Variants in FAT3 observed in about 807,000 individuals in gnomAD.
The protein encoded by FAT3 is protocadherin Fat 3.
FAT3 carries 95 observed loss-of-function variants against 310.2 expected under a neutral mutation model. The ratio of observed to expected loss-of-function variants is 0.31; its 90% CI spans 0.26 to 0.36. FAT3 has a LOEUF of 0.36. Ranked by LOEUF, FAT3 falls within the 10% of genes least tolerant of loss-of-function variation. The pLI is 1.00. For synonymous variants in FAT3, 2,314 were observed against 2,192.9 expected, an observed-to-expected ratio of 1.06 and a Z score of -1.54; for missense variants, 5,408 against 5,715.6, an observed-to-expected ratio of 0.95 and a Z score of 1.74.
rs567974986 is a variant in FAT3, at chr11:92,676,904, A to C, written c.3608-20480A>C. ...TTATTAAAGTACTAAGTACAGGCAC[A>C]GTGCAAAGGAGAGTTAGAACTGGAA... On this transcript the variant is annotated intron_variant, in intron 3 of 27. Coordinates refer to ENST00000525166, the MANE Select transcript of FAT3 (RefSeq NM_001367949.2). Among the ~76,000 whole-genome samples, 3 of 152,334 alleles carry C rather than the reference A, an allele frequency of 2.0e-5. No individual in the cohort carries two copies. In the South Asian group the frequency reaches 6.2e-4, roughly 32 times the overall value.
intron 7 of FAT3, among the ~76,000 whole-genome samples, chr11:92,780,310 G>A (rs2136130917): frequency 6.6e-6 from 1 of 151,964 alleles, no homozygotes; most frequent in Non-Finnish European, 1.5e-5. Context: ...CTATAGGCAT[G>A]TACCACCACA....
chr11:92,624,752 A>G (rs1941246434), intron 3 of FAT3, among the ~76,000 whole-genome samples: 1 of 152,166 alleles, frequency 6.6e-6, no homozygotes, highest in Non-Finnish European at 1.5e-5. Flanking sequence ...TACAAAAAGC[A>G]CCACAAACTG....
chr11:92,382,790 T>C (rs909487530), intron 2 of FAT3, among the ~76,000 whole-genome samples: 1 of 152,206 alleles, frequency 6.6e-6, no homozygotes, highest in Admixed American at 6.5e-5. Flanking sequence ...AGTCAGCAGG[T>C]ATGGGTAGGC....
In FAT3 at chr11:92,883,263, G is replaced by C. The variant is rs2136416739; in HGVS notation, c.12807G>C (p.Glu4269Asp). ...EHQEMTTFHP[E>D]SPRILTARRG... ...AGGAAATGACCACGTTTCACCCTGA[G>C]TCGCCCCGCATCCTGACAGCCCGGC... The change falls in exon 24 of 28, where the codon GAG (glutamate) becomes GAC (aspartate). Residue 4269 changes from glutamate (E) to aspartate (D), a missense_variant. Around this residue, in one of 5 missense-constraint regions of FAT3, gnomAD observed 649 missense variants for 666.2 expected, o/e 0.97. Coordinates refer to ENST00000525166, the MANE Select transcript of FAT3 (RefSeq NM_001367949.2). The surrounding 1 kb of genome is among the most constrained non-coding windows in gnomAD (Gnocchi z 4.2). 1 of 1,612,858 alleles carries C rather than the reference G, an allele frequency of 6.2e-7. No individual in the cohort carries two copies. Among genetic ancestry groups the C allele is most frequent in the South Asian group, 1.1e-5 (1 of 91,086 alleles).
intron 4 of FAT3, among the ~76,000 whole-genome samples, chr11:92,710,447 T>C (rs1270577896): frequency 6.6e-6 from 1 of 152,150 alleles, no homozygotes; most frequent in African/African-American, 2.4e-5. Flanking sequence ...CCTCTTCTCA[T>C]TAGGTGAGAA....
At chr11:92,720,642 T>C (rs1012370718) in intron 4 of FAT3, among the ~76,000 whole-genome samples, 3 of 152,226 alleles carry the variant, frequency 2.0e-5, no homozygotes, top group African/African-American at 7.2e-5. Context: ...ATGTGCCACG[T>C]ACCCTCAACT....
intron 4 of FAT3, among the ~76,000 whole-genome samples, chr11:92,749,535 C>T (rs1945771742): frequency 6.6e-6 from 1 of 152,204 alleles, no homozygotes; most frequent in Non-Finnish European, 1.5e-5. Context: ...CTTGAGTTCT[C>T]TTAACATCTA....
Position 92,866,888 on chromosome 11 carries a change from A to C in FAT3, c.11806A>C (p.Ser3936Arg), listed in dbSNP as rs1949261008. The stretch of plus-strand genomic sequence containing the variant: ...TTTCACGAGCCTGTCCCTGGATGAC[A>C]GCTACGTGGAGCGGCGCCGGGCGCC... ...RNFTSLSLDD[S>R]YVERRRAPLY... The change falls in exon 22 of 28, where the codon AGC (serine) becomes CGC (arginine). Residue 3936 changes from serine (S) to arginine (R), a missense_variant. This residue lies in a region of FAT3 where 4,588 missense variants were observed against 4,809.8 expected (regional missense o/e 0.95). Transcript: ENST00000525166. The C allele has an allele frequency of 1.2e-6, 2 of 1,613,994 alleles. No homozygotes were observed. The highest frequency in any genetic ancestry group is 4.5e-5 in the East Asian group (2 of 44,866).
intron 1 of FAT3, among the ~76,000 whole-genome samples, chr11:92,301,038 A>T (rs1317485396): frequency 1.3e-5 from 2 of 152,110 alleles, no homozygotes; most frequent in Non-Finnish European, 2.9e-5. Context: ...GCTGCACAGA[A>T]AATGAGCTCT....
At chr11:92,491,439 A>C (rs566118132) in intron 2 of FAT3, among the ~76,000 whole-genome samples, 1 of 152,152 alleles carries the variant, frequency 6.6e-6, no homozygotes, top group Non-Finnish European at 1.5e-5. Context: ...ACCTTGTGGG[A>C]AGAATCAGGA....
At chr11:92,535,850 AC>A (rs1954239612) in intron 3 of FAT3, among the ~76,000 whole-genome samples, 1 of 152,124 alleles carries the variant, frequency 6.6e-6, no homozygotes, top group Admixed American at 6.5e-5. Flanking sequence ...CCATGAGGTC[AC>A]GTAGAAGTTA....
chr11:92,779,830 G>C (rs1177181688), intron 7 of FAT3, among the ~76,000 whole-genome samples: 1 of 152,130 alleles, frequency 6.6e-6, no homozygotes. Context: ...CAGCAAAAGG[G>C]TAAGTAAGAG....
chr11:92,395,999 G>T (rs1737045109), intron 2 of FAT3, among the ~76,000 whole-genome samples: 1 of 152,122 alleles, frequency 6.6e-6, no homozygotes, highest in African/African-American at 2.4e-5. Flanking sequence ...TCCCTTAGGA[G>T]AAATTAGTGT....
rs770850647 is a variant in FAT3, at chr11:92,801,363, G to T, written c.8350G>T (p.Ala2784Ser). ...CAGCCCAGCTTTCCACTTTAAAGTA[G>T]CAGCCACTATACCCCTGGACAAAGT... ...ETSPAFHFKV[A>S]ATIPLDKVDI... The change falls in exon 10 of 28, where the codon GCA becomes TCA. Residue 2784 changes from alanine to serine, a missense_variant. Ala to Ser is a moderately conservative substitution (Grantham distance 99). This residue lies in a region of FAT3 where 4,588 missense variants were observed against 4,809.8 expected (regional missense o/e 0.95). Transcript: ENST00000525166. 7 of 1,613,132 alleles carry T rather than the reference G, an allele frequency of 4.3e-6. No individual in the cohort carries two copies. Among genetic ancestry groups the T allele is most frequent in the Non-Finnish European group, 5.9e-6 (7 of 1,179,778 alleles).
intron 7 of FAT3, 143 bp from the exon 8 acceptor site, chr11:92,789,800 A>C: frequency 1.4e-6 from 1 of 726,278 alleles, no homozygotes. Flanking sequence ...TGTTTTTATT[A>C]GTGAGTTTCC....
At chr11:92,409,453 C>T (rs557048173) in intron 2 of FAT3, among the ~76,000 whole-genome samples, 3 of 152,072 alleles carry the variant, frequency 2.0e-5, no homozygotes, top group Non-Finnish European at 2.9e-5. Flanking sequence ...TGTATTAAGC[C>T]TTCTAATGAG....
At chr11:92,566,917 C>A (rs11020005) in intron 3 of FAT3, among the ~76,000 whole-genome samples, 4 of 151,828 alleles carry the variant, frequency 2.6e-5, no homozygotes, top group African/African-American at 4.8e-5. Context: ...AACGTTAGAC[C>A]TAAAACCATA....
chr11:92,386,661 A>T (rs1359274509), intron 2 of FAT3, among the ~76,000 whole-genome samples: 1 of 152,238 alleles, frequency 6.6e-6, no homozygotes, highest in Non-Finnish European at 1.5e-5. Flanking sequence ...ACTTGAGAGA[A>T]GACAAGAGAA....
chr11:92,460,377 G>A (rs1951603530), intron 2 of FAT3, among the ~76,000 whole-genome samples: 1 of 152,252 alleles, frequency 6.6e-6, no homozygotes, highest in Non-Finnish European at 1.5e-5. Context: ...GCATTGCCAT[G>A]TTCTGCACAG....
Sources: gnomAD v4.1 joint callset for allele counts (sites outside exome capture counted in the v4.1 genomes callset) on GRCh38, gnomAD v4.1.1 for gene constraint, gnomAD v4.1.1 regional missense constraint, Gnocchi (gnomAD v3.1) non-coding constraint, MANE v1.5 for transcripts, NCBI Gene and HGNC (gene_info 2026-07-23, HGNC 2026-07-21) for gene names.